Variants in SLC67A2 observed in about 807,000 individuals in gnomAD.
The protein encoded by SLC67A2 is solute carrier family 67 member A2.
chr2:102,728,611 T>C, the SLC67A2 span, among the ~76,000 whole-genome samples: 1 of 152,086 alleles, frequency 6.6e-6, no homozygotes, highest in African/African-American at 2.4e-5. Context: ...TTTTAGAAAT[T>C]CCCCATACTC....
the SLC67A2 span, among the ~76,000 whole-genome samples, chr2:102,736,354 A>G: frequency 6.6e-6 from 1 of 152,126 alleles, no homozygotes; most frequent in South Asian, 2.1e-4. Flanking sequence ...CACAGCATTT[A>G]ACACCTGGTC....
the SLC67A2 span, among the ~76,000 whole-genome samples, chr2:102,734,526 T>C: frequency 1.3e-5 from 2 of 150,092 alleles, no homozygotes; most frequent in South Asian, 4.3e-4. Context: ...TAGAGGTCTC[T>C]ACATCCCTAA....
chr2:102,731,076 A>T, the SLC67A2 span: 3 of 1,613,120 alleles, frequency 1.9e-6, no homozygotes, highest in Middle Eastern at 1.7e-4. Context: ...AGCCTGTAAA[A>T]AACAAATCAA....
the SLC67A2 span, chr2:102,718,268 G>C: frequency 1.2e-6 from 1 of 845,086 alleles, no homozygotes; most frequent in Non-Finnish European, 1.8e-6. Flanking sequence ...ATGGCTGCAT[G>C]GCCAAGAGCT....
chr2:102,722,633 A>G, the SLC67A2 span, among the ~76,000 whole-genome samples: 1 of 152,234 alleles, frequency 6.6e-6, no homozygotes, highest in Admixed American at 6.5e-5. Context: ...GATTAAAGAT[A>G]AAAATCAACT....
chr2:102,735,846 G>GCGCACACACACA, the SLC67A2 span, among the ~76,000 whole-genome samples: 8 of 149,690 alleles, frequency 5.3e-5, no homozygotes, highest in South Asian at 4.2e-4. Context: ...ACGCGCGCGC[G>GCGCACACACACA]CACACACACA....
the SLC67A2 span, among the ~76,000 whole-genome samples, chr2:102,729,084 T>C: frequency 6.6e-6 from 1 of 152,194 alleles, no homozygotes; most frequent in Non-Finnish European, 1.5e-5. Flanking sequence ...TTTGGTAAAA[T>C]TTATAATTAA....
chr2:102,733,366 T>G, the SLC67A2 span, among the ~76,000 whole-genome samples: 13 of 152,328 alleles, frequency 8.5e-5, no homozygotes, highest in South Asian at 2.7e-3. Flanking sequence ...TGTATTTTCC[T>G]TGAGCTCAGA....
chr2:102,731,941 G>T, the SLC67A2 span: 1 of 322,438 alleles, frequency 3.1e-6, no homozygotes. Context: ...TTTCCCACGA[G>T]ATGTGATTTC....
At chr2:102,723,544 T>C in the SLC67A2 span, among the ~76,000 whole-genome samples, 1 of 33,680 alleles carries the variant, frequency 3.0e-5, no homozygotes, top group African/African-American at 1.7e-4. Flanking sequence ...CCGGCCACTA[T>C]GGAAAACACT....
chr2:102,719,367 A>G, the SLC67A2 span, among the ~76,000 whole-genome samples: 1 of 152,252 alleles, frequency 6.6e-6, no homozygotes, highest in Non-Finnish European at 1.5e-5. Context: ...CACCATTCCT[A>G]TGGCTTTATT....
chr2:102,723,736 CTG>C, the SLC67A2 span: 1 of 1,614,152 alleles, frequency 6.2e-7, no homozygotes, highest in Non-Finnish European at 8.5e-7. Flanking sequence ...CAGATGAAGG[CTG>C]TGAGATAAAA....
At chr2:102,736,680 C>CG in the SLC67A2 span, 10 of 1,613,568 alleles carry the variant, frequency 6.2e-6, no homozygotes, top group Non-Finnish European at 8.5e-6. Context: ...GAGCAGGAAG[C>CG]GGCGGGCTCC....
the SLC67A2 span, among the ~76,000 whole-genome samples, chr2:102,719,940 G>T: frequency 6.6e-6 from 1 of 152,120 alleles, no homozygotes; most frequent in Non-Finnish European, 1.5e-5. Context: ...CATTCTCATA[G>T]ACCACAACAT....
At chr2:102,734,803 TAC>T in the SLC67A2 span, among the ~76,000 whole-genome samples, 1 of 152,234 alleles carries the variant, frequency 6.6e-6, no homozygotes, top group Non-Finnish European at 1.5e-5. Context: ...ACTTGCCAAA[TAC>T]ACAGCATAAA....
chr2:102,736,728 GTCTTC>G, the SLC67A2 span: 2 of 1,613,884 alleles, frequency 1.2e-6, no homozygotes, highest in Non-Finnish European at 1.7e-6. Context: ...CTCGGTTCCT[GTCTTC>G]TGCTCCTGTT....
the SLC67A2 span, among the ~76,000 whole-genome samples, chr2:102,719,481 T>TG: frequency 6.6e-6 from 1 of 152,188 alleles, no homozygotes; most frequent in African/African-American, 2.4e-5. Flanking sequence ...CCTATGATAG[T>TG]GTTCTACATC....
the SLC67A2 span, among the ~76,000 whole-genome samples, chr2:102,729,279 T>C: frequency 2.0e-5 from 3 of 152,278 alleles, no homozygotes; most frequent in East Asian, 5.8e-4. Context: ...TAGTTAGCAA[T>C]AAAAATTTAC....
the SLC67A2 span, among the ~76,000 whole-genome samples, chr2:102,725,157 C>A: frequency 1.3e-5 from 2 of 152,094 alleles, no homozygotes; most frequent in Non-Finnish European, 2.9e-5. Flanking sequence ...GGCACTTAAA[C>A]CTCAGGCACT....
Sources: gnomAD v4.1 joint callset for allele counts (sites outside exome capture counted in the v4.1 genomes callset) on GRCh38, gnomAD v4.1.1 for gene constraint, MANE v1.5 for transcripts, NCBI Gene and HGNC (gene_info 2026-07-23, HGNC 2026-07-21) for gene names.